The following GPD1L variants were observed in gnomAD, a reference collection of about 807,000 sequenced individuals.
GPD1L encodes the protein glycerol-3-phosphate dehydrogenase 1 like, also known as glycerol-3-phosphate dehydrogenase 1-like protein.
In GPD1L, 17 loss-of-function variants were observed where a neutral mutation model predicts 32.9. That is an observed-to-expected ratio of 0.52 (90% CI 0.35 to 0.78). The LOEUF (loss-of-function observed/expected upper bound fraction) is 0.78, where lower values mean the gene tolerates loss of function less well. Ranked by LOEUF, GPD1L falls within the 30% of genes least tolerant of loss-of-function variation. GPD1L has a pLI of 0.01. For missense variants in GPD1L, 361 were observed against 447.8 expected (o/e 0.81, Z 1.75); for synonymous variants, 187 against 165.9 (o/e 1.13, Z -0.98).
chr3:32,129,167 G>C (rs1373611678), intron 2 of GPD1L, among the ~76,000 whole-genome samples: 3 of 152,184 alleles, frequency 2.0e-5, no homozygotes, highest in Non-Finnish European at 2.9e-5. Flanking sequence ...AAAACAGACA[G>C]TTGTGGCTGT....
chr3:32,160,182 G>T (rs1338590059), intron 7 of GPD1L, among the ~76,000 whole-genome samples: 1 of 145,760 alleles, frequency 6.9e-6, no homozygotes, highest in Non-Finnish European at 1.5e-5. Context: ...GATGGGATGG[G>T]ATGGAATGGG....
chr3:32,165,011 C>G (rs980735092), intron 7 of GPD1L, among the ~76,000 whole-genome samples: 1 of 152,138 alleles, frequency 6.6e-6, no homozygotes, highest in Non-Finnish European at 1.5e-5. Flanking sequence ...TGAGACCAGC[C>G]TGACCAACAT....
At chr3:32,149,700 C>T (rs1296160736) in intron 5 of GPD1L, among the ~76,000 whole-genome samples, 1 of 152,194 alleles carries the variant, frequency 6.6e-6, no homozygotes, top group African/African-American at 2.4e-5. Flanking sequence ...GTAATCCCAG[C>T]ACTTGTGGAG....
chr3:32,115,694 A>G (rs17029920), intron 1 of GPD1L, among the ~76,000 whole-genome samples: 3,430 of 146,458 alleles, frequency 0.023, 123 homozygotes, highest in African/African-American at 0.08. Flanking sequence ...TTAGTAATTC[A>G]TGTAGCTACC....
intron 5 of GPD1L, among the ~76,000 whole-genome samples, chr3:32,148,418 G>A (rs1042177697): frequency 6.6e-6 from 1 of 152,092 alleles, no homozygotes; most frequent in Non-Finnish European, 1.5e-5. Context: ...GATTCATGGG[G>A]GATGCAGGGA....
intron 5 of GPD1L, among the ~76,000 whole-genome samples, chr3:32,149,348 A>C (rs1700877821): frequency 1.3e-5 from 2 of 152,206 alleles, no homozygotes; most frequent in Admixed American, 1.3e-4. Flanking sequence ...GGCATGACCC[A>C]CCACATCCAG....
At chr3:32,152,660 C>T (rs927461408) in intron 5 of GPD1L, among the ~76,000 whole-genome samples, 1 of 152,076 alleles carries the variant, frequency 6.6e-6, no homozygotes, top group Non-Finnish European at 1.5e-5. Flanking sequence ...CTGTTAGGCC[C>T]CACCTCCCAA....
In GPD1L at chr3:32,128,171, A is replaced by G; in HGVS notation, c.143A>G (p.Asn48Ser). Residue 48 changes from asparagine to serine, a missense_variant, in exon 2 of 8, where the codon AAT (asparagine) becomes AGT (serine). By Grantham distance (46) the Asn-to-Ser change is conservative. Transcript: ENST00000282541. ...VKMWVFEETV[N>S]GRKLTDIINN... ...ATGTGGGTCTTTGAAGAAACAGTGA[A>G]TGGCAGAAAACTGACAGACATCATA... The G allele has an allele frequency of 6.2e-7, 1 of 1,612,336 alleles. No individual in the cohort carries two copies. The highest frequency in any genetic ancestry group is 8.5e-7 in the Non-Finnish European group (1 of 1,178,350).
intron 1 of GPD1L, among the ~76,000 whole-genome samples, chr3:32,115,852 G>C (rs192555074): frequency 1.6e-5 from 2 of 122,954 alleles, no homozygotes; most frequent in East Asian, 2.8e-4. Context: ...GCAGTGGCAC[G>C]ATCTTGGCTC....
intron 1 of GPD1L, among the ~76,000 whole-genome samples, chr3:32,123,843 C>T (rs1839778): frequency 0.45 from 34,765 of 77,890 alleles, 5,146 homozygotes; most frequent in East Asian, 0.67. Flanking sequence ...GATAGATAGA[C>T]AGACAGATAA....
In GPD1L at chr3:32,112,258, T is replaced by C. The variant is rs1463754806; in HGVS notation, c.47+5500T>C. 3.5e-5 allele frequency among the ~76,000 whole-genome samples: 2 copies of C among 56,442 alleles called. 1 individual carries two copies. Among genetic ancestry groups the C allele is most frequent in the East Asian group, 2.9e-3 (2 of 686 alleles). The allele number at this position is 56,442 out of a possible 152,430, so 37.0% of individuals were successfully genotyped here. On this transcript the variant is annotated intron_variant, in intron 1 of 7. Coordinates refer to ENST00000282541, the MANE Select transcript of GPD1L (RefSeq NM_015141.4). ...TTTGGGAGGCTGAGGTGGAGAATCA[T>C]TTGAGCCCCACAATTTGAGTCCAGC...
intron 2 of GPD1L, among the ~76,000 whole-genome samples, chr3:32,128,899 G>T (rs1030749537): frequency 6.6e-6 from 1 of 152,198 alleles, no homozygotes; most frequent in Non-Finnish European, 1.5e-5. Flanking sequence ...ATTAAAGTCA[G>T]GGTCAAGGCC....
At chr3:32,108,845 G>GT (rs897545963) in intron 1 of GPD1L, among the ~76,000 whole-genome samples, 14 of 151,654 alleles carry the variant, frequency 9.2e-5, no homozygotes, top group East Asian at 3.9e-4. Context: ...TTTGCCAGTT[G>GT]TTTTTTTTTA....
chr3:32,115,955 T>G (rs895063523), intron 1 of GPD1L, among the ~76,000 whole-genome samples: 2 of 151,852 alleles, frequency 1.3e-5, no homozygotes, highest in Non-Finnish European at 2.9e-5. Context: ...GCCAGGCTAA[T>G]TTTTTTGTAT....
chr3:32,146,489 A>G (rs999804617), intron 4 of GPD1L, 133 bp from the exon 5 acceptor site: 9 of 685,402 alleles, frequency 1.3e-5, no homozygotes, highest in Non-Finnish European at 2.4e-5. Context: ...TTCTGCTCCT[A>G]TGTGTTTTCT....
intron 2 of GPD1L, among the ~76,000 whole-genome samples, chr3:32,135,427 C>T (rs1352069173): frequency 6.6e-6 from 1 of 152,000 alleles, no homozygotes; most frequent in Non-Finnish European, 1.5e-5. Flanking sequence ...TGTGGGTTGG[C>T]ATCGAGAGGG....
In GPD1L at chr3:32,159,073, C is replaced by G. The variant is rs1436471050; in HGVS notation, c.816C>G (p.Asn272Lys). ...DLITTCYGGR[N>K]RRVAEAFART... The stretch of plus-strand genomic sequence containing the variant: ...TCACCACCTGTTACGGAGGGCGGAA[C>G]CGCAGGGTGGCCGAGGCCTTCGCCA... The change falls in exon 6 of 8, where the codon AAC becomes AAG. Residue 272 changes from asparagine (N) to lysine (K), a missense_variant. Transcript: ENST00000282541. 1 of 1,613,770 alleles carries G rather than the reference C, an allele frequency of 6.2e-7. No individual in the cohort carries two copies. Among genetic ancestry groups the G allele is most frequent in the East Asian group, 2.2e-5 (1 of 44,886 alleles).
intron 1 of GPD1L, among the ~76,000 whole-genome samples, chr3:32,127,583 G>A (rs1197569288): frequency 1.3e-5 from 2 of 152,218 alleles, no homozygotes; most frequent in African/African-American, 4.8e-5. Context: ...TTGCAGGGCG[G>A]AGGGAGTGCA....
chr3:32,144,672 T>G (rs1700794307), intron 4 of GPD1L, among the ~76,000 whole-genome samples: 1 of 151,968 alleles, frequency 6.6e-6, no homozygotes, highest in Admixed American at 6.6e-5. Context: ...TGTTTATTAC[T>G]GGGGTTTGTT....
Sources: allele counts gnomAD v4.1 joint callset (sites outside exome capture counted in the v4.1 genomes callset), GRCh38; gene constraint gnomAD v4.1.1; transcripts MANE v1.5; gene names NCBI Gene and HGNC (gene_info 2026-07-23, HGNC 2026-07-21).